ANKRD12: variants seen among roughly 807,000 people sequenced by gnomAD.
ANKRD12 encodes ankyrin repeat domain 12, also known as ankyrin repeat domain-containing protein 12.
ANKRD12 carries 85 observed loss-of-function variants against 183.4 expected under a neutral mutation model. The observed-to-expected ratio is 0.46, with a 90% CI of 0.39 to 0.56. The LOEUF (loss-of-function observed/expected upper bound fraction) is 0.56, where lower values mean the gene tolerates loss of function less well. Among genes scored for constraint, ANKRD12 ranks in the 20% least tolerant of loss-of-function variants. ANKRD12 has a pLI of 0.00. For missense variants in ANKRD12, 2,405 were observed against 2,357.1 expected (o/e 1.02, Z -0.42); for synonymous variants, 914 against 800.2 (o/e 1.14, Z -2.40).
intron 1 of ANKRD12, among the ~76,000 whole-genome samples, chr18:9,139,769 G>C (rs1187995108): frequency 6.6e-6 from 1 of 152,188 alleles, no homozygotes; most frequent in Admixed American, 6.5e-5. Flanking sequence ...CTTGTAAAGG[G>C]TGCAGTGTTG....
At chr18:9,262,584 T>C (rs1401295455) in intron 9 of ANKRD12, among the ~76,000 whole-genome samples, 1 of 152,000 alleles carries the variant, frequency 6.6e-6, no homozygotes, top group Non-Finnish European at 1.5e-5. Flanking sequence ...CTCAGCCTCC[T>C]GAGTTGCTGA....
intron 1 of ANKRD12, among the ~76,000 whole-genome samples, chr18:9,137,279 A>T (rs2078139019): frequency 6.8e-6 from 1 of 146,180 alleles, no homozygotes; most frequent in African/African-American, 2.5e-5. Context: ...GGGAGCCGCC[A>T]ACTGGGCGGG....
chr18:9,162,113 G>A (rs919622200), intron 1 of ANKRD12, among the ~76,000 whole-genome samples: 54 of 152,144 alleles, frequency 3.5e-4, no homozygotes, highest in African/African-American at 1.2e-3. Context: ...TGCCGTGGTG[G>A]TTTGCTGCAC....
intron 1 of ANKRD12, among the ~76,000 whole-genome samples, chr18:9,143,614 C>G (rs2078395101): frequency 6.6e-6 from 1 of 152,204 alleles, no homozygotes; most frequent in Non-Finnish European, 1.5e-5. Context: ...GCGCTTGCCA[C>G]CACGCCTGGC....
At chr18:9,235,698 G>A in intron 8 of ANKRD12, 1 of 456,154 alleles carries the variant, frequency 2.2e-6, no homozygotes, top group Non-Finnish European at 4.4e-6. Context: ...ACTATACCAA[G>A]TGTATGCAAT....
intron 8 of ANKRD12, among the ~76,000 whole-genome samples, chr18:9,234,714 G>T (rs1383003995): frequency 1.3e-5 from 2 of 152,108 alleles, no homozygotes; most frequent in African/African-American, 4.8e-5. Context: ...AGTTCCAGCC[G>T]CTTAGGTACC....
chr18:9,191,570 T>G (rs2034457186), intron 2 of ANKRD12, among the ~76,000 whole-genome samples: 1 of 152,212 alleles, frequency 6.6e-6, no homozygotes. Context: ...AATCTTTTAT[T>G]CGTAACAATG....
intron 1 of ANKRD12, among the ~76,000 whole-genome samples, chr18:9,171,943 C>G (rs1026986386): frequency 4.0e-5 from 6 of 151,446 alleles, no homozygotes; most frequent in Non-Finnish European, 5.9e-5. Context: ...TCACTTGAAC[C>G]CGGGAGGTGG....
At chr18:9,151,849 C>CATA (rs2078695621) in intron 1 of ANKRD12, among the ~76,000 whole-genome samples, 1 of 152,116 alleles carries the variant, frequency 6.6e-6, no homozygotes, top group South Asian at 2.1e-4. Flanking sequence ...GGGGTCTGTG[C>CATA]TAAGGTATAA....
At chr18:9,266,155 G>A (rs2039279406) in intron 10 of ANKRD12, among the ~76,000 whole-genome samples, 1 of 152,220 alleles carries the variant, frequency 6.6e-6, no homozygotes. Context: ...GTACCTGAAA[G>A]TGACGGGGAG....
chr18:9,159,771 C>A (rs1031008487), intron 1 of ANKRD12, among the ~76,000 whole-genome samples: 18 of 149,368 alleles, frequency 1.2e-4, no homozygotes, highest in Non-Finnish European at 2.7e-4. Context: ...TTTAATTGTT[C>A]ATTTTCTTTA....
intron 1 of ANKRD12, among the ~76,000 whole-genome samples, chr18:9,174,262 T>A (rs2033043926): frequency 6.6e-6 from 1 of 152,200 alleles, no homozygotes; most frequent in Admixed American, 6.5e-5. Flanking sequence ...CTGGCTAGAA[T>A]TCAAAGCCAG....
chr18:9,254,222 G>C lies in ANKRD12; in HGVS notation c.955G>C (p.Ala319Pro). The change falls in exon 9 of 13, where the codon GCT becomes CCT. Residue 319 changes from alanine to proline, a missense_variant. Ala to Pro is a conservative substitution (Grantham distance 27). This residue lies in a region of ANKRD12 where 1,983 missense variants were observed against 1,725.9 expected (regional missense o/e 1.15). Coordinates refer to ENST00000262126, the MANE Select transcript of ANKRD12 (RefSeq NM_015208.5). ...TTTTTTTATTCTAGATTCCGAAGAG[G>C]CTCAATCTGTAAATCCTTCTAGTGT... ...DDESYTDSEEAQSVNPSSVDE... is the reference protein window; with the variant it reads ...DDESYTDSEEPQSVNPSSVDE... 6.4e-7 allele frequency: 1 copy of C among 1,555,342 alleles called. No homozygotes were observed. The highest frequency in any genetic ancestry group is 1.2e-5 in the South Asian group (1 of 81,472).
intron 8 of ANKRD12, among the ~76,000 whole-genome samples, chr18:9,230,741 CT>C (rs1357996124): frequency 6.6e-6 from 1 of 151,870 alleles, no homozygotes; most frequent in African/African-American, 2.4e-5. Flanking sequence ...TTATTGCAAC[CT>C]TTGCCTCCCA....
At chr18:9,280,388 G>A (rs1598797721) in intron 12 of ANKRD12, among the ~76,000 whole-genome samples, 1 of 152,180 alleles carries the variant, frequency 6.6e-6, no homozygotes, top group African/African-American at 2.4e-5. Flanking sequence ...GCCATGGATC[G>A]GTACCAGTCC....
At position 9,177,018 on chromosome 18, in the gene ANKRD12, G is replaced by T. The variant is rs568182474; in HGVS notation, c.-51-5364G>T. On this transcript the variant is annotated intron_variant, in intron 1 of 12. Coordinates refer to ENST00000262126, the MANE Select transcript of ANKRD12 (RefSeq NM_015208.5). ...AGGAGCAAGAACATACTAATTTTAA[G>T]GGAAGAAACATCTTCGAAGGCAGAA... Among the ~76,000 whole-genome samples the T allele has an allele frequency of 3.3e-5, 5 of 152,200 alleles. No individual in the cohort carries two copies. The South Asian group carries it at 1.0e-3, about 32-fold the overall frequency.
rs779243884 is a variant in ANKRD12 at position 9,182,402 on chromosome 18, TAAA to T, written c.-29_-27del. The T allele has an allele frequency of 2.0e-5, 29 of 1,475,168 alleles. No homozygotes were observed. Among genetic ancestry groups the T allele is most frequent in the Non-Finnish European group, 2.4e-5 (26 of 1,063,430 alleles). The allele number at this position is 1,475,168 out of a possible 1,614,324, so 91.4% of individuals were successfully genotyped here. A position where few individuals can be genotyped will look rare whatever the true frequency, so the allele number is the denominator to read the frequency against. On this transcript the variant is annotated 5_prime_UTR_variant, in exon 2 of 13. Coordinates refer to ENST00000262126, the MANE Select transcript of ANKRD12 (RefSeq NM_015208.5). Reference sequence around the variant, plus strand: ...TACAGATCCAGGATGAGAAGACTGATAAAAGAAGAAGCTAGCTGAACAGCTGTA... The same window carrying T: ...TACAGATCCAGGATGAGAAGACTGATAGAAGAAGCTAGCTGAACAGCTGTA...
chr18:9,235,860 G>T (rs1246185545), intron 8 of ANKRD12: 1 of 296,398 alleles, frequency 3.4e-6, no homozygotes, highest in Non-Finnish European at 6.9e-6. Flanking sequence ...AGAAATATGT[G>T]TTTAATAGTT....
Position 9,256,303 on chromosome 18 carries a change from A to C in ANKRD12, c.3036A>C (p.Pro1012=). The C allele has an allele frequency of 6.3e-7, 1 of 1,598,600 alleles. No homozygotes were observed. The highest frequency in any genetic ancestry group is 8.5e-7 in the Non-Finnish European group (1 of 1,174,824). Reference sequence around the variant, plus strand: ...CAAAAGATGAACCTTTGAAAACTCCAGATGGAAAAGAAAAAGATAAAAAAG... The same window carrying C: ...CAAAAGATGAACCTTTGAAAACTCCCGATGGAAAAGAAAAAGATAAAAAAG... ...EKTKDEPLKT[P]DGKEKDKKDK... The change falls in exon 9 of 13, where the codon CCA becomes CCC. Residue 1012 remains proline (P), a synonymous_variant. Transcript: ENST00000262126.
Sources: allele counts gnomAD v4.1 joint callset (sites outside exome capture counted in the v4.1 genomes callset), GRCh38; gene constraint gnomAD v4.1.1; regional missense constraint gnomAD v4.1.1; transcripts MANE v1.5; gene names NCBI Gene and HGNC (gene_info 2026-07-23, HGNC 2026-07-21).